The following RAB27B variants were observed in gnomAD, a reference collection of about 807,000 sequenced individuals.
RAB27B encodes the protein RAB27B, member RAS oncogene family.
Under a neutral mutation model 24.6 loss-of-function variants are expected in RAB27B, and 15 were observed. That is an observed-to-expected ratio of 0.61 (90% CI 0.41 to 0.94). The LOEUF is 0.94. RAB27B is among the 40% of genes least tolerant of loss of function. The probability of loss-of-function intolerance (pLI) is 0.00; values close to 1 mark genes in which losing one functional copy is unlikely to be tolerated. For synonymous variants in RAB27B, 105 were observed against 92.5 expected, an observed-to-expected ratio of 1.14 and a Z score of -0.78; for missense variants, 261 against 266.8, an observed-to-expected ratio of 0.98 and a Z score of 0.15.
intron 2 of RAB27B, among the ~76,000 whole-genome samples, chr18:54,762,765 T>C (rs954507341): frequency 6.6e-6 from 1 of 152,174 alleles, no homozygotes; most frequent in Non-Finnish European, 1.5e-5. Context: ...CTGTCTTCCC[T>C]GCTTTATTAT....
intron 4 of RAB27B, among the ~76,000 whole-genome samples, chr18:54,885,037 T>C (rs1913075622): frequency 6.6e-6 from 1 of 152,146 alleles, no homozygotes; most frequent in East Asian, 1.9e-4. Flanking sequence ...GAAACTTCGA[T>C]ATAGTACAAA....
intron 2 of RAB27B, among the ~76,000 whole-genome samples, chr18:54,742,959 G>A (rs1346944286): frequency 6.6e-6 from 1 of 152,182 alleles, no homozygotes; most frequent in African/African-American, 2.4e-5. Context: ...ACTTTTGGAA[G>A]CCTGCAGAAG....
chr18:54,848,495 A>G (rs903553099), intron 1 of RAB27B, among the ~76,000 whole-genome samples: 1 of 152,184 alleles, frequency 6.6e-6, no homozygotes, highest in Non-Finnish European at 1.5e-5. Flanking sequence ...CTGCAAGGAG[A>G]AAAATGAGAG....
rs1403317623 is a variant in RAB27B, at chr18:54,785,806, G to A, written c.-20+67665G>A. On this transcript the variant is annotated intron_variant, in intron 2 of 4. Coordinates refer to the RAB27B transcript ENST00000586570. The stretch of plus-strand genomic sequence containing the variant: ...AAAATGCAATGCATGTGTATGAACA[G>A]TTAGGGGCCAGCGACCATGGTTGAT... Among the ~76,000 whole-genome samples the A allele has an allele frequency of 3.3e-5, 5 of 152,184 alleles. No homozygotes were observed. In the East Asian group the frequency reaches 9.6e-4, roughly 29 times the overall value.
chr18:54,740,454 G>T (rs1352278831), intron 2 of RAB27B, among the ~76,000 whole-genome samples: 1 of 152,112 alleles, frequency 6.6e-6, no homozygotes, highest in Non-Finnish European at 1.5e-5. Flanking sequence ...ATTAAAGAGA[G>T]CAATCTAACG....
At position 54,862,997 on chromosome 18, in the gene RAB27B, GATC is replaced by G. The variant is rs1342515104; in HGVS notation, c.-19-14568_-19-14566del. 4.6e-5 allele frequency among the ~76,000 whole-genome samples: 7 copies of G among 152,246 alleles called. 1 individual carries two copies. Among genetic ancestry groups the G allele is most frequent in the Admixed American group, 4.6e-4 (7 of 15,298 alleles). On this transcript the variant is annotated intron_variant, in intron 1 of 5. Coordinates refer to ENST00000262094, the MANE Select transcript of RAB27B (RefSeq NM_004163.4). ...CCTTTCATTTCCATAGAGTTTTTAA[GATC>G]AGCTAGTGATTTTTGCAAAAAGGCA...
intron 1 of RAB27B, among the ~76,000 whole-genome samples, chr18:54,866,716 G>A (rs781519374): frequency 6.6e-5 from 10 of 152,198 alleles, no homozygotes; most frequent in Non-Finnish European, 1.3e-4. Context: ...AGACACTCTT[G>A]TGGCTCTTGT....
intron 1 of RAB27B, among the ~76,000 whole-genome samples, chr18:54,846,404 C>G (rs1037790385): frequency 6.6e-6 from 1 of 152,204 alleles, no homozygotes; most frequent in Non-Finnish European, 1.5e-5. Flanking sequence ...TTTGTAGCAA[C>G]TTTATAGAAT....
intron 2 of RAB27B, among the ~76,000 whole-genome samples, chr18:54,782,154 G>A (rs924801894): frequency 1.3e-5 from 2 of 152,098 alleles, no homozygotes; most frequent in African/African-American, 4.8e-5. Context: ...AATTACTGTT[G>A]GAATTCATTA....
Position 54,811,298 on chromosome 18 carries a change from C to T in RAB27B, c.-19-66269C>T, listed in dbSNP as rs144450086. 8.9e-4 allele frequency among the ~76,000 whole-genome samples: 136 copies of T among 152,248 alleles called. 1 individual carries two copies. The highest frequency in any genetic ancestry group is 2.8e-3 in the African/African-American group (117 of 41,550). On this transcript the variant is annotated intron_variant, in intron 2 of 4. Coordinates refer to the RAB27B transcript ENST00000586570. ...ACATAGCCTCAGGAGGTTCTGATGACATGTGCCAAAGATGGCTGGGGTAAA... is the reference window on the plus strand; with the variant it reads ...ACATAGCCTCAGGAGGTTCTGATGATATGTGCCAAAGATGGCTGGGGTAAA...
chr18:54,818,723 A>G (rs1402990736), intron 2 of RAB27B, among the ~76,000 whole-genome samples: 1 of 152,138 alleles, frequency 6.6e-6, no homozygotes, highest in African/African-American at 2.4e-5. Context: ...ATCAGGAGAG[A>G]GGTTTGAATG....
At chr18:54,786,710 C>T (rs1909098396) in intron 2 of RAB27B, among the ~76,000 whole-genome samples, 1 of 152,116 alleles carries the variant, frequency 6.6e-6, no homozygotes, top group African/African-American at 2.4e-5. Flanking sequence ...TTTAAAATCA[C>T]TATGAAACCT....
At chr18:54,795,782 T>C (rs185632553) in intron 2 of RAB27B, among the ~76,000 whole-genome samples, 22 of 152,256 alleles carry the variant, frequency 1.4e-4, no homozygotes, top group Admixed American at 6.5e-5. Context: ...CATGTATGCA[T>C]TGTATTACAG....
chr18:54,808,356 T>A (rs930574082), intron 2 of RAB27B, among the ~76,000 whole-genome samples: 8 of 152,212 alleles, frequency 5.3e-5, no homozygotes, highest in Non-Finnish European at 7.3e-5. Flanking sequence ...TGAGGCCCAC[T>A]GTGCACCAAC....
chr18:54,873,050 A>G (rs1226650853), intron 1 of RAB27B, among the ~76,000 whole-genome samples: 1 of 152,052 alleles, frequency 6.6e-6, no homozygotes, highest in African/African-American at 2.4e-5. Flanking sequence ...CTGTTTCTGC[A>G]TATATCCAGG....
intron 2 of RAB27B, among the ~76,000 whole-genome samples, chr18:54,773,395 G>T (rs1908614555): frequency 6.6e-6 from 1 of 152,154 alleles, no homozygotes; most frequent in Non-Finnish European, 1.5e-5. Context: ...ATTTGGCCTG[G>T]TTTTCCCAAA....
At chr18:54,840,061 C>T (rs142808251) in intron 1 of RAB27B, among the ~76,000 whole-genome samples, 12 of 152,222 alleles carry the variant, frequency 7.9e-5, no homozygotes, top group Middle Eastern at 3.4e-3. Context: ...TTTTATAAGG[C>T]CAAACATTCT....
At chr18:54,750,755 T>C (rs1437370269) in intron 2 of RAB27B, among the ~76,000 whole-genome samples, 1 of 152,132 alleles carries the variant, frequency 6.6e-6, no homozygotes, top group Admixed American at 6.6e-5. Context: ...ATGTTATAAG[T>C]CTAATGATAG....
chr18:54,798,110 T>C (rs776277491), intron 2 of RAB27B, among the ~76,000 whole-genome samples: 3 of 152,350 alleles, frequency 2.0e-5, no homozygotes, highest in Non-Finnish European at 4.4e-5. Context: ...TTCTCTGATC[T>C]ATTCTCTTTC....
Sources: gnomAD v4.1 joint callset for allele counts (sites outside exome capture counted in the v4.1 genomes callset) on GRCh38, gnomAD v4.1.1 for gene constraint, MANE v1.5 for transcripts, NCBI Gene and HGNC (gene_info 2026-07-23, HGNC 2026-07-21) for gene names.